ZNF496: variants seen among roughly 807,000 people sequenced by gnomAD.
ZNF496 encodes zinc finger protein 496, also known as NSD1 (nuclear receptor binding SET-domain containing 1)-interacting zinc finger protein 1.
In ZNF496, 11 loss-of-function variants were observed where a neutral mutation model predicts 58.9. That is an observed-to-expected ratio of 0.19 (90% confidence interval 0.12 to 0.31). The LOEUF is 0.31. Among genes scored for constraint, ZNF496 ranks in the 10% least tolerant of loss-of-function variants. The pLI is 1.00. For synonymous variants in ZNF496, 338 were observed against 318.2 expected, an observed-to-expected ratio of 1.06 and a Z score of -0.66; for missense variants, 660 against 783.0, an observed-to-expected ratio of 0.84 and a Z score of 1.88.
intron 5 of ZNF496, among the ~76,000 whole-genome samples, chr1:247,324,998 C>A (rs757936353): frequency 6.6e-6 from 1 of 152,202 alleles, no homozygotes; most frequent in Non-Finnish European, 1.5e-5. Flanking sequence ...TAAAAATGAG[C>A]TCTGTTTCAA....
At position 247,329,483 on chromosome 1, in the gene ZNF496, C is replaced by T. The variant is rs760391091; in HGVS notation, c.96G>A (p.Gln32=). The change falls in exon 4 of 10, where the codon CAG becomes CAA. Residue 32 remains glutamine (Q), a synonymous_variant. Transcript: ENST00000682384. The surrounding 1 kb of genome is among the most constrained non-coding windows in gnomAD (Gnocchi z 5.5). ...RSPPGENPSP[Q]GELPSPESSR... is the part of the protein sequence containing the mutation. ...AGGACTCGGGGCTGGGAAGCTCCCC[C>T]TGGGGGCTAGGGTTCTCTCCAGGTG... is the stretch of plus-strand genomic sequence containing the variant. 77 of 1,607,060 alleles carry T rather than the reference C, an allele frequency of 4.8e-5. No individual in the cohort carries two copies. Among genetic ancestry groups the T allele is most frequent in the Non-Finnish European group, 5.9e-5 (70 of 1,177,546 alleles).
Position 247,301,185 on chromosome 1 carries a change from C to G in ZNF496, c.1098G>C (p.Gln366His), listed in dbSNP as rs1296366974. Reference protein sequence around the residue: ...VLSSSGDEDSQHGPYCTEELG... With the variant: ...VLSSSGDEDSHHGPYCTEELG... ...GCTCTTCTGTGCAGTACGGGCCATG[C>G]TGGGAGTCCTCGTCCCCAGAGCTGG... is the stretch of plus-strand genomic sequence containing the variant. Residue 366 changes from glutamine (Q) to histidine (H), a missense_variant, in exon 10 of 10, where the codon CAG becomes CAC. Gln to His is a conservative substitution (Grantham distance 24). Transcript: ENST00000682384. 6.3e-7 allele frequency: 1 copy of G among 1,589,506 alleles called. No homozygotes were observed. The highest frequency in any genetic ancestry group is 1.8e-5 in the Admixed American group (1 of 56,260).
chr1:247,325,247 C>A (rs1464955512), intron 5 of ZNF496, among the ~76,000 whole-genome samples: 2 of 152,202 alleles, frequency 1.3e-5, no homozygotes, highest in Non-Finnish European at 2.9e-5. Context: ...CAGTGGAAGG[C>A]AGCCTCTTCA....
At chr1:247,301,470 C>T (rs1659235278) in intron 9 of ZNF496, among the ~76,000 whole-genome samples, 194 bp from the exon 10 acceptor site, 1 of 152,154 alleles carries the variant, frequency 6.6e-6, no homozygotes, top group African/African-American at 2.4e-5. Flanking sequence ...TCAGCATGGG[C>T]CCCGCTGTGT....
At chr1:247,328,629 A>G in intron 5 of ZNF496, 54 bp downstream of exon 5, 1 of 1,463,652 alleles carries the variant, frequency 6.8e-7, no homozygotes, top group Non-Finnish European at 9.1e-7. Flanking sequence ...AGTGCACAGT[A>G]TGGGGTGTGC....
At position 247,328,917 on chromosome 1, in the gene ZNF496, T is replaced by A. The variant is rs1441676549; in HGVS notation, c.391-51A>T. On this transcript the variant is annotated intron_variant, in intron 4 of 9. Transcript: ENST00000682384. ...GGGCTAGGGGAAGAGGTCCCATCTC[T>A]CCCTGGGCCTGGTGACCATCCACTC... 2.0e-6 allele frequency: 3 copies of A among 1,536,160 alleles called. No homozygotes were observed. In the African/African-American group the frequency reaches 4.1e-5, roughly 21 times the overall value.
Position 247,310,812 on chromosome 1 carries a change from C to T in ZNF496, c.652-356G>A, listed in dbSNP as rs1012696363. The T allele has an allele frequency of 3.5e-4, 66 of 188,624 alleles. 2 individuals are homozygous for T. Among genetic ancestry groups the T allele is most frequent in the Non-Finnish European group, 5.5e-5 (5 of 90,802 alleles). The allele number at this position is 188,624 out of a possible 1,614,324, so 11.7% of individuals were successfully genotyped here. ...AGTCTCCACTTCCTAATACCATCATCTTGGGGATTACAATTTCAACACAAA... is the reference window on the plus strand; with the variant it reads ...AGTCTCCACTTCCTAATACCATCATTTTGGGGATTACAATTTCAACACAAA... On this transcript the variant is annotated intron_variant, in intron 6 of 9. Transcript: ENST00000682384.
chr1:247,301,006 C>T lies in ZNF496; in HGVS notation c.1277G>A (p.Arg426Gln), dbSNP rs775512993. The T allele has an allele frequency of 6.2e-6, 10 of 1,613,788 alleles. No individual in the cohort carries two copies. The highest frequency in any genetic ancestry group is 3.4e-6 in the Non-Finnish European group (4 of 1,180,052). The change falls in exon 10 of 10, where the codon CGG (arginine) becomes CAG (glutamine). Residue 426 changes from arginine (R) to glutamine (Q), a missense_variant. Transcript: ENST00000682384. ...CGGCTTCTCCTGCTCCCTGCGGCTC[C>T]GCAGATGCCGGATGAAGTTGACCCT... ...RWRVNFIRHL[R>Q]SRREQEKPHE...
intron 9 of ZNF496, 74 bp from the exon 10 acceptor site, chr1:247,301,350 A>ACACT (rs1659230605): frequency 6.8e-7 from 1 of 1,466,592 alleles, no homozygotes; most frequent in Non-Finnish European, 9.0e-7. Context: ...CGGCGGAGGA[A>ACACT]CACTCAGCTT....
intron 6 of ZNF496, among the ~76,000 whole-genome samples, chr1:247,318,374 A>G (rs1245409604): frequency 1.3e-5 from 2 of 152,238 alleles, no homozygotes; most frequent in Admixed American, 1.3e-4. Context: ...AAACCTAGAA[A>G]TGTAAGAAGC....
In ZNF496 at chr1:247,309,690, A is replaced by AT; in HGVS notation, c.892+8dup. ...ACTCTGTCCACTCAGTTCTGGAATC[A>AT]TTACTCACCCAAGTAGGAGACCTGG... On this transcript the variant is annotated intron_variant, in intron 8 of 9. Coordinates refer to ENST00000682384, the MANE Select transcript of ZNF496 (RefSeq NM_032752.3). The surrounding 1 kb of genome is among the most constrained non-coding windows in gnomAD (Gnocchi z 4.3). The AT allele has an allele frequency of 1.2e-6, 2 of 1,614,020 alleles. No individual in the cohort carries two copies. Among genetic ancestry groups the AT allele is most frequent in the Non-Finnish European group, 1.7e-6 (2 of 1,180,004 alleles).
rs1659479247 is a variant in ZNF496, at chr1:247,308,254, A to G, written c.1006+221T>C. ...CAGTTCCTAACTGTCCCATGCCATC[A>G]CCACCGCACATTTACATCACACACC... On this transcript the variant is annotated intron_variant, in intron 9 of 9. Coordinates refer to ENST00000682384, the MANE Select transcript of ZNF496 (RefSeq NM_032752.3). This position sits in a 1 kb window ranked among gnomAD's most constrained non-coding sequence, Gnocchi z 4.5. Among the ~76,000 whole-genome samples the G allele has an allele frequency of 6.6e-6, 1 of 152,204 alleles. No homozygotes were observed. The highest frequency in any genetic ancestry group is 1.5e-5 in the Non-Finnish European group (1 of 67,994).
At chr1:247,328,363 C>T (rs1276132440) in intron 5 of ZNF496, among the ~76,000 whole-genome samples, 1 of 152,228 alleles carries the variant, frequency 6.6e-6, no homozygotes, top group East Asian at 1.9e-4. Flanking sequence ...ACTGGCAGTC[C>T]CCAGCTGTCA....
intron 6 of ZNF496, chr1:247,311,578 C>T (rs532490884): frequency 6.6e-6 from 1 of 152,368 alleles, no homozygotes; most frequent in African/African-American, 2.4e-5. Context: ...GGTCACAGCA[C>T]ATTATGGTTT....
chr1:247,323,768 GA>G (rs74163752), intron 5 of ZNF496, among the ~76,000 whole-genome samples: 50 of 139,334 alleles, frequency 3.6e-4, no homozygotes, highest in African/African-American at 9.7e-4. Context: ...AAAAGAAAAA[GA>G]AAAAAAAAAA....
intron 6 of ZNF496, among the ~76,000 whole-genome samples, chr1:247,314,594 G>T (rs944147416): frequency 1.3e-5 from 2 of 152,108 alleles, no homozygotes; most frequent in African/African-American, 2.4e-5. Context: ...TATATTACTA[G>T]TATCTATGTG....
chr1:247,331,567 G>A lies in ZNF496; in HGVS notation c.-289C>T, dbSNP rs973945149. On this transcript the variant is annotated 5_prime_UTR_variant, in exon 2 of 10. Coordinates refer to ENST00000682384, the MANE Select transcript of ZNF496 (RefSeq NM_032752.3). Reference sequence around the variant, plus strand: ...TGAGGCGGGGTCTCCGCAGGCGCCCGGCTCCTTTCCCGGCCCGTCCAGACC... The same window carrying A: ...TGAGGCGGGGTCTCCGCAGGCGCCCAGCTCCTTTCCCGGCCCGTCCAGACC... The A allele has an allele frequency of 7.2e-5, 11 of 152,248 alleles. No homozygotes were observed. The highest frequency in any genetic ancestry group is 2.4e-4 in the African/African-American group (10 of 41,556). 9.4% of individuals were successfully genotyped at this position (152,248 alleles called of 1,614,324 possible).
At position 247,325,755 on chromosome 1, in the gene ZNF496, G is replaced by C. The variant is rs543212058; in HGVS notation, c.575-2525C>G. The stretch of plus-strand genomic sequence containing the variant: ...AGCAATCCTCCTGCTTCAGCCCCCT[G>C]AGTAGCTGGAACTATAGGCATGAGC... On this transcript the variant is annotated intron_variant, in intron 5 of 9. Coordinates refer to ENST00000682384, the MANE Select transcript of ZNF496 (RefSeq NM_032752.3). 5.3e-5 allele frequency among the ~76,000 whole-genome samples: 8 copies of C among 152,200 alleles called. 1 individual carries two copies. The highest frequency in any genetic ancestry group is 1.9e-4 in the African/African-American group (8 of 41,528).
chr1:247,300,570 G>A lies in ZNF496; in HGVS notation c.1713C>T (p.His571=). 1.2e-6 allele frequency: 2 copies of A among 1,612,674 alleles called. No homozygotes were observed. The highest frequency in any genetic ancestry group is 1.7e-6 in the Non-Finnish European group (2 of 1,178,892). ...SFTQNYDLLR[H]ERLHMKRRSK... ...AACGGCGCTTCATGTGCAGGCGCTC[G>A]TGGCGGAGGAGGTCATAGTTCTGCG... The change falls in exon 10 of 10, where the codon CAC becomes CAT. Residue 571 remains histidine (H), a synonymous_variant. Coordinates refer to ENST00000682384, the MANE Select transcript of ZNF496 (RefSeq NM_032752.3). The surrounding 1 kb of genome is among the most constrained non-coding windows in gnomAD (Gnocchi z 5.7).
Sources: allele counts gnomAD v4.1 joint callset (sites outside exome capture counted in the v4.1 genomes callset), GRCh38; gene constraint gnomAD v4.1.1; non-coding constraint Gnocchi (gnomAD v3.1); transcripts MANE v1.5; gene names NCBI Gene and HGNC (gene_info 2026-07-23, HGNC 2026-07-21).